Variants in WDR43 observed in about 807,000 individuals in gnomAD.
WDR43 encodes WD repeat-containing protein 43.
WDR43 carries 13 observed loss-of-function variants against 91.4 expected under a neutral mutation model. The ratio of observed to expected loss-of-function variants is 0.14; its 90% confidence interval spans 0.09 to 0.23. The LOEUF (loss-of-function observed/expected upper bound fraction) is 0.23, where lower values mean the gene tolerates loss of function less well. Ranked by LOEUF, WDR43 falls within the 10% of genes least tolerant of loss-of-function variation. The pLI, the probability that WDR43 is intolerant of heterozygous loss-of-function variation, is 1.00. For synonymous variants in WDR43, 331 were observed against 287.9 expected (o/e 1.15, Z -1.51); for missense variants, 780 against 809.4 (o/e 0.96, Z 0.44).
At chr2:28,926,856 T>C (rs190024878) in intron 9 of WDR43, among the ~76,000 whole-genome samples, 30 of 152,292 alleles carry the variant, frequency 2.0e-4, no homozygotes, top group Admixed American at 5.9e-4. Context: ...GATTTATCAG[T>C]AGATAGTTTT....
At chr2:28,909,349 T>C (rs1010184348) in intron 3 of WDR43, among the ~76,000 whole-genome samples, 1 of 152,080 alleles carries the variant, frequency 6.6e-6, no homozygotes, top group Non-Finnish European at 1.5e-5. Flanking sequence ...GTCAGGCTGG[T>C]CTCGAACTCC....
At chr2:28,895,113 G>A (rs539083246) in intron 1 of WDR43, 190 bp downstream of exon 1, 9 of 478,978 alleles carry the variant, frequency 1.9e-5, no homozygotes, top group African/African-American at 1.8e-4. Context: ...AGGGCAGTGA[G>A]GGAGGGCGCA....
chr2:28,925,105 A>G lies in WDR43; in HGVS notation c.1038A>G (p.Ser346=), dbSNP rs372044792. 1 of 1,613,778 alleles carries G rather than the reference A, an allele frequency of 6.2e-7. No homozygotes were observed. The highest frequency in any genetic ancestry group is 1.3e-5 in the African/African-American group (1 of 74,920). The change falls in exon 8 of 18, where the codon TCA becomes TCG. Residue 346 remains serine, a synonymous_variant. Coordinates refer to ENST00000407426, the MANE Select transcript of WDR43 (RefSeq NM_015131.3). ...CTGGTTTTTGCTCAGACAAAATGTC[A>G]TTGTTGCTTGTATATGGCAGTTGGT... The part of the protein sequence containing the change: ...LAAGFCSDKM[S]LLLVYGSWFQ...
At chr2:28,913,369 C>T (rs987318117) in intron 4 of WDR43, among the ~76,000 whole-genome samples, 5 of 152,266 alleles carry the variant, frequency 3.3e-5, no homozygotes, top group Admixed American at 6.5e-5. Context: ...CTCTCTCTGT[C>T]GCCCAGGCTG....
chr2:28,921,780 A>G (rs1671031372), intron 6 of WDR43, among the ~76,000 whole-genome samples: 1 of 152,126 alleles, frequency 6.6e-6, no homozygotes, highest in South Asian at 2.1e-4. Context: ...GGTGCCATCA[A>G]AGCTCACTGT....
At chr2:28,936,152 C>A (rs1435627892) in intron 12 of WDR43, among the ~76,000 whole-genome samples, 1 of 151,724 alleles carries the variant, frequency 6.6e-6, no homozygotes, top group East Asian at 1.9e-4. Context: ...ATTTAAATAG[C>A]CACTATACTC....
At chr2:28,897,096 C>T (rs908163242) in intron 1 of WDR43, among the ~76,000 whole-genome samples, 7 of 152,196 alleles carry the variant, frequency 4.6e-5, no homozygotes, top group African/African-American at 1.7e-4. Flanking sequence ...GATTTTGTTA[C>T]TCTCAATCTT....
intron 11 of WDR43, among the ~76,000 whole-genome samples, chr2:28,930,606 G>A (rs995196714): frequency 6.6e-6 from 1 of 152,150 alleles, no homozygotes; most frequent in Non-Finnish European, 1.5e-5. Context: ...ATAGAAACCT[G>A]GGTGAAGATT....
intron 5 of WDR43, 105 bp downstream of exon 5, chr2:28,914,313 G>A: frequency 7.5e-7 from 1 of 1,331,658 alleles, no homozygotes; most frequent in Non-Finnish European, 9.9e-7. Flanking sequence ...TGTATCTAAT[G>A]TTGGATTTAC....
Position 28,946,430 on chromosome 2 carries a change from G to T in WDR43, c.1805-20G>T. 1 of 1,602,414 alleles carries T rather than the reference G, an allele frequency of 6.2e-7. No individual in the cohort carries two copies. The highest frequency in any genetic ancestry group is 8.5e-7 in the Non-Finnish European group (1 of 1,174,692). On this transcript the variant is annotated intron_variant, in intron 16 of 17. Coordinates refer to ENST00000407426, the MANE Select transcript of WDR43 (RefSeq NM_015131.3). ...CTGTTTTGTTCTAAAATTAAGGCTG[G>T]GTTCTTTCTCCCCTTACAGAGTCTT...
rs1341235635 is a variant in WDR43 at position 28,914,004 on chromosome 2, A to T, written c.607-65A>T. 9 of 1,581,962 alleles carry T rather than the reference A, an allele frequency of 5.7e-6. No homozygotes were observed. In the African/African-American group the frequency reaches 1.2e-4, roughly 21 times the overall value. The stretch of plus-strand genomic sequence containing the variant: ...ATCACATATGGCTTGTTTTGATAAT[A>T]TATACTATTAATTTTTGTCCCTGCT... On this transcript the variant is annotated intron_variant, in intron 4 of 17. Coordinates refer to ENST00000407426, the MANE Select transcript of WDR43 (RefSeq NM_015131.3).
At chr2:28,938,869 T>C (rs896319181) in intron 14 of WDR43, among the ~76,000 whole-genome samples, 1 of 152,154 alleles carries the variant, frequency 6.6e-6, no homozygotes, top group Admixed American at 6.5e-5. Context: ...TGTCCCAGCC[T>C]GTAGGAGGCT....
chr2:28,901,861 C>A, intron 1 of WDR43, 126 bp from the exon 2 acceptor site: 1 of 917,382 alleles, frequency 1.1e-6, no homozygotes, highest in Non-Finnish European at 1.6e-6. Flanking sequence ...GTAAATCACC[C>A]AATAGCTTCT....
chr2:28,946,994 A>G lies in WDR43; in HGVS notation c.*215A>G. The G allele has an allele frequency of 2.2e-6, 1 of 463,888 alleles. No homozygotes were observed. Among genetic ancestry groups the G allele is most frequent in the Non-Finnish European group, 3.8e-6 (1 of 266,124 alleles). The allele number at this position is 463,888 out of a possible 1,614,324, so 28.7% of individuals were successfully genotyped here. ...TTAATAAACTTTACACAGTATATAG[A>G]CACATTTTCTGCAATGTACTGACAT... On this transcript the variant is annotated 3_prime_UTR_variant, in exon 18 of 18. Coordinates refer to ENST00000407426, the MANE Select transcript of WDR43 (RefSeq NM_015131.3).
chr2:28,906,588 A>T lies in WDR43; in HGVS notation c.485+7A>T. 2 of 1,609,394 alleles carry T rather than the reference A, an allele frequency of 1.2e-6. No individual in the cohort carries two copies. Among genetic ancestry groups the T allele is most frequent in the Non-Finnish European group, 1.7e-6 (2 of 1,177,640 alleles). ...AGACATGCAAAGTAAAGTGGTGAGT[A>T]ACATTCATGGTATCAGGAAATGCAA... On this transcript the variant is annotated splice_region_variant and intron_variant, in intron 3 of 17. Transcript: ENST00000407426.
In WDR43 at chr2:28,941,444, A is replaced by G. The variant is rs1329198338; in HGVS notation, c.1621-17A>G. 6.3e-7 allele frequency: 1 copy of G among 1,592,542 alleles called. No homozygotes were observed. The highest frequency in any genetic ancestry group is 8.6e-7 in the Non-Finnish European group (1 of 1,163,736). On this transcript the variant is annotated splice_polypyrimidine_tract_variant and intron_variant, in intron 14 of 17. Transcript: ENST00000407426. ...TCTAATACGTTAATAGTGCCAAATGATCATTTTTTTCTCTAGTTGCCTGAC... is the reference window on the plus strand; with the variant it reads ...TCTAATACGTTAATAGTGCCAAATGGTCATTTTTTTCTCTAGTTGCCTGAC...
chr2:28,945,659 G>A (rs991321187), intron 16 of WDR43, among the ~76,000 whole-genome samples: 1 of 152,166 alleles, frequency 6.6e-6, no homozygotes, highest in African/African-American at 2.4e-5. Flanking sequence ...CGTTCATATT[G>A]CAGCACACTA....
chr2:28,930,934 T>C (rs922466115), intron 11 of WDR43, among the ~76,000 whole-genome samples: 2 of 152,190 alleles, frequency 1.3e-5, no homozygotes, highest in Non-Finnish European at 1.5e-5. Flanking sequence ...TATCCATAAA[T>C]ATGCCCCATT....
At chr2:28,896,901 G>A (rs1401899224) in intron 1 of WDR43, among the ~76,000 whole-genome samples, 4 of 152,054 alleles carry the variant, frequency 2.6e-5, no homozygotes, top group African/African-American at 7.2e-5. Context: ...TTTCAGCATC[G>A]TTTTATCTGC....
Sources: gnomAD v4.1 joint callset for allele counts (sites outside exome capture counted in the v4.1 genomes callset) on GRCh38, gnomAD v4.1.1 for gene constraint, MANE v1.5 for transcripts, NCBI Gene and HGNC (gene_info 2026-07-23, HGNC 2026-07-21) for gene names.